Variants in PARN observed in about 807,000 individuals in gnomAD.
PARN encodes the protein poly(A)-specific ribonuclease PARN.
A neutral mutation model predicts 102.8 loss-of-function variants in PARN; 71 were observed. The observed-to-expected ratio is 0.69, with a 90% CI of 0.57 to 0.84. The LOEUF (loss-of-function observed/expected upper bound fraction) is 0.84, where lower values mean the gene tolerates loss of function less well. PARN is among the 40% of genes least tolerant of loss of function. The probability of loss-of-function intolerance (pLI) is 0.00; values close to 1 mark genes in which losing one functional copy is unlikely to be tolerated. For missense variants in PARN, 782 were observed against 760.9 expected, an observed-to-expected ratio of 1.03 and a Z score of -0.33; for synonymous variants, 261 against 252.9, an observed-to-expected ratio of 1.03 and a Z score of -0.30.
chr16:14,621,174 T>C (rs986010161), intron 5 of PARN, among the ~76,000 whole-genome samples: 3 of 152,210 alleles, frequency 2.0e-5, no homozygotes, highest in Non-Finnish European at 2.9e-5. Flanking sequence ...AGACTCAATG[T>C]ATTTTGATTG....
At chr16:14,582,653 A>G (rs1969603921) in intron 16 of PARN, among the ~76,000 whole-genome samples, 1 of 151,866 alleles carries the variant, frequency 6.6e-6, no homozygotes, top group Non-Finnish European at 1.5e-5. Context: ...CTTATACAAG[A>G]TGGTCACATC....
intron 21 of PARN, among the ~76,000 whole-genome samples, chr16:14,494,655 C>G (rs932265610): frequency 6.6e-6 from 1 of 152,200 alleles, no homozygotes; most frequent in East Asian, 1.9e-4. Flanking sequence ...GCAGCCGGAA[C>G]GATGCGCAGA....
intron 22 of PARN, among the ~76,000 whole-genome samples, chr16:14,451,409 G>T (rs1048151292): frequency 6.6e-6 from 1 of 152,090 alleles, no homozygotes; most frequent in African/African-American, 2.4e-5. Context: ...CAGGAGAATG[G>T]ATAAACTGGG....
intron 13 of PARN, among the ~76,000 whole-genome samples, chr16:14,590,274 G>GAA (rs1212064093): frequency 3.5e-4 from 24 of 69,230 alleles, no homozygotes; most frequent in Non-Finnish European, 5.2e-4. Context: ...AAAGAGAAGA[G>GAA]AAAAAAAAAA....
In PARN at chr16:14,518,788, G is replaced by A. The variant is rs565493063; in HGVS notation, c.1480+33233C>T. 3.6e-3 allele frequency among the ~76,000 whole-genome samples: 544 copies of A among 152,192 alleles called. 5 individuals are homozygous for A. The highest frequency in any genetic ancestry group is 6.7e-3 in the Non-Finnish European group (454 of 68,008). Reference sequence around the variant, plus strand: ...CTTTTAAATTTGACTTTGGAACTACGACAATATTTTAAATAATTACAGAAC... The same window carrying A: ...CTTTTAAATTTGACTTTGGAACTACAACAATATTTTAAATAATTACAGAAC... On this transcript the variant is annotated intron_variant, in intron 21 of 23. Transcript: ENST00000437198.
intron 18 of PARN, among the ~76,000 whole-genome samples, chr16:14,565,919 A>G (rs1022149639): frequency 2.6e-5 from 4 of 152,236 alleles, no homozygotes; most frequent in East Asian, 1.9e-4. Flanking sequence ...AAGGTGTTCA[A>G]TCGATAAGCT....
chr16:14,441,403 CT>C (rs954579265), intron 23 of PARN, among the ~76,000 whole-genome samples: 42 of 152,290 alleles, frequency 2.8e-4, no homozygotes, highest in Non-Finnish European at 5.1e-4. Flanking sequence ...TAAGGCATTG[CT>C]TTTTCCAGGT....
intron 12 of PARN, among the ~76,000 whole-genome samples, chr16:14,596,671 G>A (rs12446071): frequency 0.17 from 25,226 of 151,990 alleles, 2,707 homozygotes; most frequent in Middle Eastern, 0.29. Context: ...GCTTGAGCCC[G>A]GGAGGTAGAG....
chr16:14,609,525 C>T (rs777226170), intron 7 of PARN, among the ~76,000 whole-genome samples: 4 of 151,986 alleles, frequency 2.6e-5, no homozygotes, highest in Admixed American at 6.6e-5. Flanking sequence ...GAGCTGTGAT[C>T]GCATCACTGC....
intron 21 of PARN, among the ~76,000 whole-genome samples, chr16:14,548,556 C>T (rs1211510423): frequency 6.6e-6 from 1 of 152,200 alleles, no homozygotes; most frequent in African/African-American, 2.4e-5. Context: ...ATGGTCCCTA[C>T]TCTCAAAGAG....
intron 21 of PARN, among the ~76,000 whole-genome samples, chr16:14,491,433 T>C (rs181599399): frequency 6.6e-5 from 10 of 152,152 alleles, no homozygotes; most frequent in Non-Finnish European, 1.5e-5. Flanking sequence ...TTTATCATAG[T>C]AGTTTTCCAG....
chr16:14,626,671 G>A (rs965767002), intron 5 of PARN, among the ~76,000 whole-genome samples: 2 of 151,600 alleles, frequency 1.3e-5, no homozygotes, highest in Non-Finnish European at 2.9e-5. Context: ...GAGTGCAGGG[G>A]CGTGATCTCG....
chr16:14,503,116 T>C (rs933787324), intron 21 of PARN, among the ~76,000 whole-genome samples: 5 of 152,142 alleles, frequency 3.3e-5, no homozygotes, highest in Admixed American at 1.3e-4. Flanking sequence ...TGCTTTGGTG[T>C]TGTTTGAGAA....
At chr16:14,612,817 G>A (rs1351751081) in intron 6 of PARN, among the ~76,000 whole-genome samples, 1 of 151,696 alleles carries the variant, frequency 6.6e-6, no homozygotes, top group East Asian at 2.0e-4. Flanking sequence ...GGCTGATCTT[G>A]AACTCCTGAC....
At chr16:14,606,781 ATTTTTTT>A (rs373632720) in intron 9 of PARN, among the ~76,000 whole-genome samples, 1 of 132,038 alleles carries the variant, frequency 7.6e-6, no homozygotes, top group Non-Finnish European at 1.7e-5. Context: ...GGTATTTTCT[ATTTTTTT>A]TTTTTTTTTT....
At chr16:14,557,038 C>G (rs1463260833) in intron 18 of PARN, among the ~76,000 whole-genome samples, 1 of 152,176 alleles carries the variant, frequency 6.6e-6, no homozygotes, top group Non-Finnish European at 1.5e-5. Context: ...TTACAACTCT[C>G]TGTCATGCCA....
intron 21 of PARN, among the ~76,000 whole-genome samples, chr16:14,519,086 T>TA (rs1394870947): frequency 6.6e-6 from 1 of 151,920 alleles, no homozygotes; most frequent in Non-Finnish European, 1.5e-5. Flanking sequence ...GATTATATGA[T>TA]ATTCTATTTC....
At chr16:14,475,649 G>GCTCGA (rs936062574) in intron 22 of PARN, among the ~76,000 whole-genome samples, 8 of 152,128 alleles carry the variant, frequency 5.3e-5, no homozygotes, top group Non-Finnish European at 1.2e-4. Flanking sequence ...ACGTGTAGAA[G>GCTCGA]CTCGACTGCT....
At chr16:14,564,491 C>A (rs1394650229) in intron 18 of PARN, among the ~76,000 whole-genome samples, 1 of 152,118 alleles carries the variant, frequency 6.6e-6, no homozygotes, top group Non-Finnish European at 1.5e-5. Flanking sequence ...AAGCTGCTAC[C>A]TGGGCATGGG....
Sources: gnomAD v4.1 joint callset for allele counts (sites outside exome capture counted in the v4.1 genomes callset) on GRCh38, gnomAD v4.1.1 for gene constraint, MANE v1.5 for transcripts, NCBI Gene and HGNC (gene_info 2026-07-23, HGNC 2026-07-21) for gene names.